The following BNC1 variants were observed in gnomAD, a reference collection of about 807,000 sequenced individuals.
BNC1 encodes the protein zinc finger protein basonuclin-1.
A neutral mutation model predicts 66.5 loss-of-function variants in BNC1; 8 were observed. That is an observed-to-expected ratio of 0.12 (90% confidence interval 0.07 to 0.22). The LOEUF (loss-of-function observed/expected upper bound fraction) is 0.22. Among genes scored for constraint, BNC1 ranks in the 10% least tolerant of loss-of-function variants. The pLI, the probability that BNC1 is intolerant of heterozygous loss-of-function variation, is 1.00. For synonymous variants in BNC1, 454 were observed against 452.6 expected, an observed-to-expected ratio of 1.00 and a Z score of -0.04; for missense variants, 1,069 against 1,241.3, an observed-to-expected ratio of 0.86 and a Z score of 2.09.
At chr15:83,260,817 C>CA (rs1596588844) in intron 4 of BNC1, among the ~76,000 whole-genome samples, 1 of 152,328 alleles carries the variant, frequency 6.6e-6, no homozygotes, top group East Asian at 1.9e-4. Context: ...ATGTGGTTCT[C>CA]AATCTCTGAC....
At chr15:83,277,933 T>C (rs943393057) in intron 1 of BNC1, among the ~76,000 whole-genome samples, 18 of 152,190 alleles carry the variant, frequency 1.2e-4, no homozygotes, top group Non-Finnish European at 2.1e-4. Context: ...ATTTTTTTTT[T>C]CTCCTTACCT....
At position 83,263,800 on chromosome 15, in the gene BNC1, G is replaced by C; in HGVS notation, c.1451C>G (p.Thr484Arg). The C allele has an allele frequency of 6.2e-7, 1 of 1,614,208 alleles. No homozygotes were observed. Among genetic ancestry groups the C allele is most frequent in the Non-Finnish European group, 8.5e-7 (1 of 1,180,032 alleles). The change falls in exon 4 of 5, where the codon ACA becomes AGA. Residue 484 changes from threonine to arginine, a missense_variant. This residue lies in a region of BNC1 where 657 missense variants were observed against 715.8 expected (regional missense o/e 0.92). Coordinates refer to ENST00000345382, the MANE Select transcript of BNC1 (RefSeq NM_001717.4). ...GTAGAAAGGAAGGACTGGCTGGACT[G>C]TCTTTAGGTTGGGAAAAAGCACACC... ...QNGVLFPNLKTVQPVLPFYRS... is the reference protein window; with the variant it reads ...QNGVLFPNLKRVQPVLPFYRS...
chr15:83,257,646 G>A lies in BNC1; in HGVS notation c.2781C>T (p.Pro927=), dbSNP rs575012984. ...TCTTTTGGCAGAGATGACAGGTTAT[G>A]GGCAACCCAGAAGGCAGGCTAGCAA... is the stretch of plus-strand genomic sequence containing the variant. ...QSLASLPSGL[P]ITCHLCQKTY... Residue 927 remains proline, a synonymous_variant, in exon 5 of 5, where the codon CCC becomes CCT. Transcript: ENST00000345382. The A allele has an allele frequency of 1.9e-6, 3 of 1,614,098 alleles. No individual in the cohort carries two copies. In the African/African-American group the frequency reaches 4.0e-5, roughly 22 times the overall value.
chr15:83,266,951 C>T lies in BNC1; in HGVS notation c.320G>A (p.Arg107His). The T allele has an allele frequency of 3.1e-6, 5 of 1,614,072 alleles. No homozygotes were observed. The highest frequency in any genetic ancestry group is 1.1e-5 in the South Asian group (1 of 91,076). Reference sequence around the variant, plus strand: ...GAGCCGGTCCAGTAGGATTTTTAGGCGAACGGGGATGGCCTGGGTCCCATA... The same window carrying T: ...GAGCCGGTCCAGTAGGATTTTTAGGTGAACGGGGATGGCCTGGGTCCCATA... The part of the protein sequence containing the change: ...MLYGTQAIPV[R>H]LKILLDRLFS... The change falls in exon 3 of 5, where the codon CGC (arginine) becomes CAC (histidine). Residue 107 changes from arginine (R) to histidine (H), a missense_variant. Around this residue, in one of 7 missense-constraint regions of BNC1, gnomAD observed 39 missense variants for 89.5 expected, o/e 0.44. Coordinates refer to ENST00000345382, the MANE Select transcript of BNC1 (RefSeq NM_001717.4).
chr15:83,276,910 A>G (rs888015049), intron 1 of BNC1, among the ~76,000 whole-genome samples: 2 of 152,230 alleles, frequency 1.3e-5, no homozygotes, highest in African/African-American at 4.8e-5. Context: ...AGCAGAGATC[A>G]CCGAAGTTAA....
intron 1 of BNC1, chr15:83,283,414 C>G: frequency 1.6e-6 from 2 of 1,270,322 alleles, no homozygotes; most frequent in Non-Finnish European, 2.0e-6. Flanking sequence ...CGCCCGCGGC[C>G]CCCAGCCTCG....
intron 4 of BNC1, among the ~76,000 whole-genome samples, chr15:83,258,433 GCTCA>G (rs1019079623): frequency 3.3e-5 from 5 of 152,160 alleles, no homozygotes; most frequent in African/African-American, 4.8e-5. Context: ...CTGTAAATGA[GCTCA>G]CTGTTTCAGA....
At position 83,283,784 on chromosome 15, in the gene BNC1, G is replaced by C. The variant is rs76729595; in HGVS notation, c.99+746C>G. On this transcript the variant is annotated intron_variant, in intron 1 of 4. Transcript: ENST00000345382. ...CAAGGACTCCAGGGTCCGCAGTGAA[G>C]CTGGTCAAATCTGCCCCGCACACGG... Among the ~76,000 whole-genome samples, 5 of 152,358 alleles carry C rather than the reference G, an allele frequency of 3.3e-5. No homozygotes were observed. The East Asian group carries it at 7.7e-4, about 24-fold the overall frequency.
chr15:83,264,589 G>A lies in BNC1; in HGVS notation c.662C>T (p.Pro221Leu). ...ACTGCTGGGGTTTCCTTTGTCCACAGGAGTGGGGAGGCTAGAACTCCTGTG... is the reference window on the plus strand; with the variant it reads ...ACTGCTGGGGTTTCCTTTGTCCACAAGAGTGGGGAGGCTAGAACTCCTGTG... ...CSHRSSSLPT[P>L]VDKGNPSSIH... The change falls in exon 4 of 5, where the codon CCT becomes CTT. Residue 221 changes from proline to leucine, a missense_variant. Pro to Leu is a moderately conservative substitution (Grantham distance 98). This residue lies in a region of BNC1 where 181 missense variants were observed against 181.5 expected (regional missense o/e 1.00). Coordinates refer to ENST00000345382, the MANE Select transcript of BNC1 (RefSeq NM_001717.4). 1 of 1,614,154 alleles carries A rather than the reference G, an allele frequency of 6.2e-7. No individual in the cohort carries two copies. Among genetic ancestry groups the A allele is most frequent in the Non-Finnish European group, 8.5e-7 (1 of 1,180,020 alleles).
intron 1 of BNC1, among the ~76,000 whole-genome samples, chr15:83,282,035 G>A (rs1264776908): frequency 6.6e-6 from 1 of 152,248 alleles, no homozygotes; most frequent in African/African-American, 2.4e-5. Flanking sequence ...ACAGCAAACA[G>A]ATCACTGTAG....
In BNC1 at chr15:83,263,882, G is replaced by A; in HGVS notation, c.1369C>T (p.Pro457Ser). 6.2e-7 allele frequency: 1 copy of A among 1,614,214 alleles called. No homozygotes were observed. Among genetic ancestry groups the A allele is most frequent in the Non-Finnish European group, 8.5e-7 (1 of 1,180,046 alleles). ...CCTTTGGAATCCTCTCCTGAACCAGGGTAGCTGGGAGGAGGCCTACAGTCT... is the reference window on the plus strand; with the variant it reads ...CCTTTGGAATCCTCTCCTGAACCAGAGTAGCTGGGAGGAGGCCTACAGTCT... ...SPDCRPPPSY[P>S]GSGEDSKGQP... Residue 457 changes from proline to serine, a missense_variant, in exon 4 of 5, where the codon CCT (proline) becomes TCT (serine). Pro to Ser is a moderately conservative substitution (Grantham distance 74, BLOSUM62 -1). Around this residue, in one of 7 missense-constraint regions of BNC1, gnomAD observed 657 missense variants for 715.8 expected, o/e 0.92. Transcript: ENST00000345382.
At chr15:83,278,539 C>A (rs1308417019) in intron 1 of BNC1, among the ~76,000 whole-genome samples, 1 of 152,064 alleles carries the variant, frequency 6.6e-6, no homozygotes, top group Non-Finnish European at 1.5e-5. Context: ...GCTAGGAAAC[C>A]AACTAACTAT....
intron 3 of BNC1, 86 bp downstream of exon 3, chr15:83,266,750 C>T: frequency 8.6e-7 from 1 of 1,166,254 alleles, no homozygotes; most frequent in Non-Finnish European, 1.3e-6. Context: ...AGGGCTGTAG[C>T]ATTGGGAGGT....
At chr15:83,266,699 G>C (rs1312174204) in intron 3 of BNC1, 137 bp downstream of exon 3, 1 of 768,660 alleles carries the variant, frequency 1.3e-6, no homozygotes, top group East Asian at 2.5e-5. Flanking sequence ...TAGGGGCTTA[G>C]GCCATTAGAA....
At chr15:83,273,784 G>T (rs1256741032) in intron 1 of BNC1, among the ~76,000 whole-genome samples, 1 of 152,152 alleles carries the variant, frequency 6.6e-6, no homozygotes, top group East Asian at 1.9e-4. Flanking sequence ...GCTACCACAG[G>T]CCTCTTGTCA....
At chr15:83,259,000 A>G (rs1452635332) in intron 4 of BNC1, among the ~76,000 whole-genome samples, 1 of 152,236 alleles carries the variant, frequency 6.6e-6, no homozygotes, top group Admixed American at 6.5e-5. Flanking sequence ...CCAATTGGCT[A>G]GAATTGTGTG....
chr15:83,257,631 G>C lies in BNC1; in HGVS notation c.2796C>G (p.Leu932=). 3.1e-6 allele frequency: 5 copies of C among 1,614,152 alleles called. No homozygotes were observed. Among genetic ancestry groups the C allele is most frequent in the Non-Finnish European group, 4.2e-6 (5 of 1,180,034 alleles). Residue 932 remains leucine, a synonymous_variant, in exon 5 of 5, where the codon CTC becomes CTG. Coordinates refer to ENST00000345382, the MANE Select transcript of BNC1 (RefSeq NM_001717.4). ...LPSGLPITCH[L]CQKTYSNKGT... ...CTTTGTTACTGTATGTCTTTTGGCA[G>C]AGATGACAGGTTATGGGCAACCCAG...
Position 83,256,323 on chromosome 15 carries a change from AATGT to A in BNC1, c.*1115_*1118del, listed in dbSNP as rs2038072921. ...ACTGAACTTCCTTTCTACCATGGAA[AATGT>A]ATGTAACAGTGTGGAATATATTTCC... On this transcript the variant is annotated 3_prime_UTR_variant, in exon 5 of 5. Coordinates refer to ENST00000345382, the MANE Select transcript of BNC1 (RefSeq NM_001717.4). 6.5e-6 allele frequency: 1 copy of A among 152,684 alleles called. No homozygotes were observed. Among genetic ancestry groups the A allele is most frequent in the African/African-American group, 2.4e-5 (1 of 41,464 alleles). 9.5% of individuals were successfully genotyped at this position (152,684 alleles called of 1,614,324 possible).
chr15:83,263,562 T>C lies in BNC1; in HGVS notation c.1689A>G (p.Ser563=). The C allele has an allele frequency of 1.2e-6, 2 of 1,614,266 alleles. No individual in the cohort carries two copies. The highest frequency in any genetic ancestry group is 2.2e-5 in the South Asian group (2 of 91,092). The change falls in exon 4 of 5, where the codon TCA becomes TCG. Residue 563 remains serine (S), a synonymous_variant. Coordinates refer to ENST00000345382, the MANE Select transcript of BNC1 (RefSeq NM_001717.4). ...IANEKRHNLS[S]DEDMPLQVVS... Reference sequence around the variant, plus strand: ...CCACCTGTAGGGGCATGTCTTCATCTGAGCTGAGGTTGTGTCTTTTCTCAT... The same window carrying C: ...CCACCTGTAGGGGCATGTCTTCATCCGAGCTGAGGTTGTGTCTTTTCTCAT...
Sources: allele counts gnomAD v4.1 joint callset (sites outside exome capture counted in the v4.1 genomes callset), GRCh38; gene constraint gnomAD v4.1.1; regional missense constraint gnomAD v4.1.1; transcripts MANE v1.5; gene names NCBI Gene and HGNC (gene_info 2026-07-23, HGNC 2026-07-21).